DNAH12: variants seen among roughly 807,000 people sequenced by gnomAD.
DNAH12 encodes the protein dynein axonemal heavy chain 12.
In DNAH12, 285 loss-of-function variants were observed where a neutral mutation model predicts 371.5. The observed-to-expected ratio is 0.77, with a 90% CI of 0.70 to 0.85. The LOEUF is 0.85. Among genes scored for constraint, DNAH12 ranks in the 40% least tolerant of loss-of-function variants. The pLI is 0.00. For missense variants in DNAH12, 3,611 were observed against 3,689.4 expected (o/e 0.98, Z 0.55); for synonymous variants, 1,200 against 1,213.0 (o/e 0.99, Z 0.22).
Position 57,472,541 on chromosome 3 carries a change from T to A in DNAH12, c.1776+5A>T, listed in dbSNP as rs1299569663. On this transcript the variant is annotated splice_donor_5th_base_variant and intron_variant, in intron 14 of 73. Coordinates refer to ENST00000495027, the MANE Select transcript of DNAH12 (RefSeq NM_001366028.2). ...ACAAAAATACATACTGAAAAATATATTTACCTCATCATTTTCATCAAAGAT... is the reference window on the plus strand; with the variant it reads ...ACAAAAATACATACTGAAAAATATAATTACCTCATCATTTTCATCAAAGAT... The A allele has an allele frequency of 6.5e-7, 1 of 1,545,734 alleles. No individual in the cohort carries two copies. The highest frequency in any genetic ancestry group is 1.4e-5 in the African/African-American group (1 of 72,716).
intron 5 of DNAH12, among the ~76,000 whole-genome samples, chr3:57,510,367 G>A (rs2067942235): frequency 1.3e-5 from 2 of 152,136 alleles, no homozygotes; most frequent in African/African-American, 4.8e-5. Flanking sequence ...AGGCTGGGCT[G>A]AGTGGCTCAG....
chr3:57,408,204 CA>C, intron 40 of DNAH12, 75 bp downstream of exon 40: 2 of 1,405,742 alleles, frequency 1.4e-6, no homozygotes, highest in East Asian at 5.2e-5. Flanking sequence ...AAGCAGATAG[CA>C]TCAAAAAAAT....
At chr3:57,544,990 A>ATT (rs574394355), upstream of DNAH12, among the ~76,000 whole-genome samples, 381 of 142,666 alleles carry the variant, frequency 2.7e-3, 2 homozygotes, top group South Asian at 6.5e-3. Flanking sequence ...TTGCTACGTA[A>ATT]TTTTTTTTTT....
chr3:57,367,408 C>G (rs928792117), intron 56 of DNAH12, among the ~76,000 whole-genome samples: 33 of 152,156 alleles, frequency 2.2e-4, no homozygotes, highest in Non-Finnish European at 1.5e-4. Context: ...CAGCAGGACT[C>G]TTTCTGGGTT....
rs1007519474 is a variant in DNAH12 at position 57,418,117 on chromosome 3, C to G, written c.5714+1250G>C. 3.3e-5 allele frequency among the ~76,000 whole-genome samples: 5 copies of G among 151,864 alleles called. No homozygotes were observed. In the East Asian group the frequency reaches 7.7e-4, roughly 24 times the overall value. On this transcript the variant is annotated intron_variant, in intron 37 of 73. Transcript: ENST00000495027. ...CAGTGAGCAGAGATGCTGGAATGCA[C>G]TGCATTCCAGCCTGGGAGACAGAGC... is the stretch of plus-strand genomic sequence containing the variant.
chr3:57,317,945 T>C (rs905429199), intron 65 of DNAH12, among the ~76,000 whole-genome samples: 3 of 152,230 alleles, frequency 2.0e-5, no homozygotes, highest in Non-Finnish European at 4.4e-5. Context: ...CATATATCTG[T>C]TGGCCATTTG....
chr3:57,471,468 A>C lies in DNAH12; in HGVS notation c.1911+4T>G. On this transcript the variant is annotated splice_donor_region_variant and intron_variant, in intron 15 of 73. Transcript: ENST00000495027. ...ATAGCTATTGTCTCATATATTTATC[A>C]GACCTGTTGCATGCGCTCCAGCTCT... 1 of 1,536,772 alleles carries C rather than the reference A, an allele frequency of 6.5e-7. No homozygotes were observed. The highest frequency in any genetic ancestry group is 8.7e-7 in the Non-Finnish European group (1 of 1,143,598).
intron 4 of DNAH12, among the ~76,000 whole-genome samples, chr3:57,515,493 C>T (rs1445065764): frequency 6.6e-6 from 1 of 152,050 alleles, no homozygotes; most frequent in Non-Finnish European, 1.5e-5. Flanking sequence ...GCCTGTAATC[C>T]CAGCTACTCA....
chr3:57,466,727 G>A (rs527252301), intron 17 of DNAH12, among the ~76,000 whole-genome samples: 2 of 152,210 alleles, frequency 1.3e-5, no homozygotes, highest in East Asian at 3.9e-4. Context: ...TATAGGCTAA[G>A]TGGTCTGACC....
chr3:57,370,182 A>T (rs2063139671), intron 55 of DNAH12, among the ~76,000 whole-genome samples: 1 of 151,554 alleles, frequency 6.6e-6, no homozygotes, highest in African/African-American at 2.4e-5. Flanking sequence ...ACACTAAAAA[A>T]GGAACAGACT....
chr3:57,426,742 G>T (rs938793604), intron 34 of DNAH12, among the ~76,000 whole-genome samples: 2 of 151,670 alleles, frequency 1.3e-5, no homozygotes, highest in African/African-American at 4.8e-5. Flanking sequence ...CCAGCTACCT[G>T]GGAGGCTGAG....
At chr3:57,402,569 G>A in intron 43 of DNAH12, 2 of 648,980 alleles carry the variant, frequency 3.1e-6, no homozygotes, top group Non-Finnish European at 2.3e-6. Context: ...TATAGTCAGT[G>A]GCACAAGCCA....
rs188095634 is a variant in DNAH12 at position 57,322,886 on chromosome 3, C to T, written c.10383+121G>A. The stretch of plus-strand genomic sequence containing the variant: ...CGAAGTTTGCGGTGAGCCGAAATTG[C>T]GCCACTGCACTCCAGCCTGGGAGAC... On this transcript the variant is annotated intron_variant, in intron 64 of 73. Coordinates refer to ENST00000495027, the MANE Select transcript of DNAH12 (RefSeq NM_001366028.2). 366 of 1,361,170 alleles carry T rather than the reference C, an allele frequency of 2.7e-4. 2 individuals are homozygous for T. In the Middle Eastern group the frequency reaches 0.013, roughly 47 times the overall value. 84.3% of individuals were successfully genotyped at this position (1,361,170 alleles called of 1,614,324 possible). A position where few individuals can be genotyped will look rare whatever the true frequency, so the allele number is the denominator to read the frequency against.
At chr3:57,415,224 T>A (rs766970347) in intron 38 of DNAH12, among the ~76,000 whole-genome samples, 4 of 152,038 alleles carry the variant, frequency 2.6e-5, no homozygotes, top group Non-Finnish European at 5.9e-5. Context: ...AAACAGGTGA[T>A]AAAGCTCAGT....
upstream of DNAH12, among the ~76,000 whole-genome samples, chr3:57,547,530 T>C (rs2069589444): frequency 6.6e-6 from 1 of 152,120 alleles, no homozygotes; most frequent in Non-Finnish European, 1.5e-5. Context: ...CTCTTGAGCT[T>C]ATACAAATAA....
intron 45 of DNAH12, among the ~76,000 whole-genome samples, chr3:57,391,004 A>G (rs2063610996): frequency 6.6e-6 from 1 of 152,094 alleles, no homozygotes; most frequent in African/African-American, 2.4e-5. Flanking sequence ...CAGCTATACC[A>G]AACAATTTTC....
rs2061832332 is a variant in DNAH12 at position 57,322,551 on chromosome 3, G to A, written c.10384-68C>T. The A allele has an allele frequency of 6.9e-6, 10 of 1,454,206 alleles. No individual in the cohort carries two copies. In the South Asian group the frequency reaches 7.2e-5, roughly 11 times the overall value. The allele number at this position is 1,454,206 out of a possible 1,614,324, so 90.1% of individuals were successfully genotyped here. A position where few individuals can be genotyped will look rare whatever the true frequency, so the allele number is the denominator to read the frequency against. ...GGAGGCTCTAAAAGTGCATATACAC[G>A]TGGATTAAAAAACAGGCATAATGGA... On this transcript the variant is annotated intron_variant, in intron 64 of 73. Coordinates refer to ENST00000495027, the MANE Select transcript of DNAH12 (RefSeq NM_001366028.2).
intron 39 of DNAH12, among the ~76,000 whole-genome samples, chr3:57,413,314 CAG>C (rs377766061): frequency 1.3e-5 from 2 of 152,270 alleles, no homozygotes; most frequent in African/African-American, 4.8e-5. Context: ...AAAGAGAACA[CAG>C]AGGATCTTTA....
intron 37 of DNAH12, among the ~76,000 whole-genome samples, chr3:57,419,019 G>A (rs1404395838): frequency 6.6e-6 from 1 of 152,134 alleles, no homozygotes; most frequent in African/African-American, 2.4e-5. Flanking sequence ...AGGAGAATGT[G>A]GATCATGGTT....
Sources: allele counts gnomAD v4.1 joint callset (sites outside exome capture counted in the v4.1 genomes callset), GRCh38; gene constraint gnomAD v4.1.1; transcripts MANE v1.5; gene names NCBI Gene and HGNC (gene_info 2026-07-23, HGNC 2026-07-21).